Variants in KIF23 observed in about 807,000 individuals in gnomAD.
KIF23 encodes kinesin-like protein KIF23.
A neutral mutation model predicts 137.5 loss-of-function variants in KIF23; 30 were observed. That is an observed-to-expected ratio of 0.22 (90% CI 0.16 to 0.30). The LOEUF is 0.30. Among genes scored for constraint, KIF23 ranks in the 10% least tolerant of loss-of-function variants. The pLI is 1.00. For missense variants in KIF23, 920 were observed against 1,194.3 expected, an observed-to-expected ratio of 0.77 and a Z score of 3.38; for synonymous variants, 367 against 391.1, an observed-to-expected ratio of 0.94 and a Z score of 0.73.
chr15:69,435,389 G>C lies in KIF23; in HGVS notation c.1115-94G>C, dbSNP rs2057452692. On this transcript the variant is annotated intron_variant, in intron 11 of 23. Transcript: ENST00000679126. ...TGTTATTTATAATTTCTATCTAGTA[G>C]TTGTTTGAAGTTGAGATTTTATAGG... The C allele has an allele frequency of 2.2e-6, 2 of 927,288 alleles. 1 individual carries two copies. The highest frequency in any genetic ancestry group is 5.2e-5 in the East Asian group (2 of 38,570). The allele number at this position is 927,288 out of a possible 1,614,324, so 57.4% of individuals were successfully genotyped here.
intron 7 of KIF23, among the ~76,000 whole-genome samples, chr15:69,424,917 A>G (rs1567062229): frequency 1.3e-5 from 2 of 152,192 alleles, no homozygotes; most frequent in South Asian, 4.1e-4. Context: ...TCGTGTGCCA[A>G]CTTTTTGTTT....
At chr15:69,446,803 C>A in intron 22 of KIF23, 68 bp from the exon 23 acceptor site, 2 of 1,420,716 alleles carry the variant, frequency 1.4e-6, no homozygotes, top group Non-Finnish European at 2.0e-6. Context: ...GTGGAGCCTG[C>A]TAAATAACTG....
intron 1 of KIF23, 89 bp downstream of exon 1, chr15:69,414,565 C>G (rs2140299653): frequency 5.4e-5 from 68 of 1,265,838 alleles, no homozygotes; most frequent in Admixed American, 2.4e-4. Context: ...CAGGCCGCGG[C>G]CGTACGCGGG....
Position 69,416,175 on chromosome 15 carries a change from T to G in KIF23, c.81+112T>G, listed in dbSNP as rs960245455. 14 of 627,756 alleles carry G rather than the reference T, an allele frequency of 2.2e-5. No individual in the cohort carries two copies. In the African/African-American group the frequency reaches 2.5e-4, roughly 11 times the overall value. 38.9% of individuals were successfully genotyped at this position (627,756 alleles called of 1,614,324 possible). A position where few individuals can be genotyped will look rare whatever the true frequency, so the allele number is the denominator to read the frequency against. ...AAGAAGAAGACATGTGGAAGTATAA[T>G]CAAAGAACATTTAGTTAAATGGATG... On this transcript the variant is annotated intron_variant, in intron 2 of 23. Coordinates refer to ENST00000679126, the MANE Select transcript of KIF23 (RefSeq NM_001367805.3).
intron 3 of KIF23, 130 bp downstream of exon 3, chr15:69,417,641 C>A: frequency 2.0e-6 from 2 of 980,182 alleles, no homozygotes; most frequent in Non-Finnish European, 3.0e-6. Context: ...TCATTATAAC[C>A]ACTGTATCTA....
intron 11 of KIF23, among the ~76,000 whole-genome samples, chr15:69,431,613 CAAAA>C (rs58235050): frequency 5.1e-5 from 7 of 136,888 alleles, no homozygotes; most frequent in Admixed American, 7.1e-5. Flanking sequence ...GACTCCGTCT[CAAAA>C]AAAAAAAAAA....
At position 69,436,697 on chromosome 15, in the gene KIF23, G is replaced by A. The variant is rs2057490687; in HGVS notation, c.1572G>A (p.Met524Ile). ...AGAAACGACATAACTTACGACAAAT[G>A]ATGATTGATGAGTTTAACAAACAAT... ...ALEKRHNLRQ[M>I]MIDEFNKQSN... The change falls in exon 15 of 24, where the codon ATG becomes ATA. Residue 524 changes from methionine (M) to isoleucine (I), a missense_variant. By Grantham distance (10) the Met-to-Ile change is conservative (BLOSUM62 1). Transcript: ENST00000679126. 1 of 1,590,260 alleles carries A rather than the reference G, an allele frequency of 6.3e-7. No homozygotes were observed. The highest frequency in any genetic ancestry group is 8.6e-7 in the Non-Finnish European group (1 of 1,166,014).
chr15:69,420,968 T>C (rs1486415272), intron 3 of KIF23, among the ~76,000 whole-genome samples: 1 of 152,210 alleles, frequency 6.6e-6, no homozygotes, highest in African/African-American at 2.4e-5. Context: ...AACAGTAAAG[T>C]TGTGTATGAC....
intron 1 of KIF23, among the ~76,000 whole-genome samples, chr15:69,415,424 A>G (rs1218510157): frequency 1.3e-5 from 2 of 152,232 alleles, no homozygotes; most frequent in Non-Finnish European, 2.9e-5. Context: ...GTGAAGGGAA[A>G]AAGATGAGAT....
chr15:69,422,349 T>C lies in KIF23; in HGVS notation c.477T>C (p.Asn159=), dbSNP rs753447189. 1.2e-6 allele frequency: 2 copies of C among 1,603,256 alleles called. No homozygotes were observed. The highest frequency in any genetic ancestry group is 1.7e-6 in the Non-Finnish European group (2 of 1,171,334). Residue 159 remains asparagine, a synonymous_variant, in exon 6 of 24, where the codon AAT becomes AAC. Coordinates refer to ENST00000679126, the MANE Select transcript of KIF23 (RefSeq NM_001367805.3). ...AGGTTTTCAAATCTAATGATAGGAA[T>C]AGTATGGATATACAGTGTGAGGTTG... ...KRYVFKSNDR[N]SMDIQCEVDA... is the part of the protein sequence containing the mutation.
chr15:69,420,410 C>G (rs8027594), intron 3 of KIF23, among the ~76,000 whole-genome samples: 135,628 of 152,230 alleles, frequency 0.89, 61,452 homozygotes, highest in Non-Finnish European at 0.98. Flanking sequence ...GTGAGGTCAT[C>G]TATCTTCTCA....
chr15:69,415,349 C>A (rs1230086401), intron 1 of KIF23, among the ~76,000 whole-genome samples: 1 of 152,174 alleles, frequency 6.6e-6, no homozygotes, highest in East Asian at 1.9e-4. Flanking sequence ...TTTTAAACTA[C>A]AGTCGAAGCC....
intron 10 of KIF23, among the ~76,000 whole-genome samples, chr15:69,428,660 C>CAAAAAAAAAAAAAAAAA (rs59950355): frequency 1.4e-5 from 1 of 74,040 alleles, no homozygotes; most frequent in Non-Finnish European, 2.3e-5. Flanking sequence ...CTCTGTCTCC[C>CAAAAAAAAAAAAAAAAA]AAAAAAAAAA....
chr15:69,429,252 C>A (rs1392457821), intron 11 of KIF23, 39 bp downstream of exon 11: 3 of 1,403,794 alleles, frequency 2.1e-6, no homozygotes, highest in Non-Finnish European at 3.0e-6. Flanking sequence ...CTACAACTTT[C>A]AGAAACTTGC....
At position 69,431,864 on chromosome 15, in the gene KIF23, T is replaced by A. The variant is rs554768610; in HGVS notation, c.1114+2651T>A. Among the ~76,000 whole-genome samples the A allele has an allele frequency of 2.3e-4, 35 of 152,286 alleles. No homozygotes were observed. In the South Asian group the frequency reaches 6.2e-3, roughly 27 times the overall value. ...TGAGTTTATTCATATGCTGAAGAGA[T>A]GATGTTTAAGTCCAGTGGTGAGAAA... On this transcript the variant is annotated intron_variant, in intron 11 of 23. Coordinates refer to ENST00000679126, the MANE Select transcript of KIF23 (RefSeq NM_001367805.3).
chr15:69,422,477 A>G lies in KIF23; in HGVS notation c.563+42A>G, dbSNP rs993076096. ...GTCTGCAGCACTGGCCTAGGGGCACAGGATTCTTTCCTGTGGTTTGCCCAG... is the reference window on the plus strand; with the variant it reads ...GTCTGCAGCACTGGCCTAGGGGCACGGGATTCTTTCCTGTGGTTTGCCCAG... On this transcript the variant is annotated intron_variant, in intron 6 of 23. Coordinates refer to ENST00000679126, the MANE Select transcript of KIF23 (RefSeq NM_001367805.3). 3 of 1,136,838 alleles carry G rather than the reference A, an allele frequency of 2.6e-6. No homozygotes were observed. The African/African-American group carries it at 4.6e-5, about 17-fold the overall frequency. 70.4% of individuals were successfully genotyped at this position (1,136,838 alleles called of 1,614,324 possible). A position where few individuals can be genotyped will look rare whatever the true frequency, so the allele number is the denominator to read the frequency against.
chr15:69,436,519 T>A (rs1567073133), intron 14 of KIF23, 45 bp from the exon 15 acceptor site: 2 of 1,521,582 alleles, frequency 1.3e-6, no homozygotes, highest in African/African-American at 2.8e-5. Flanking sequence ...AATAAGCTCT[T>A]TCTCTCCTAT....
In KIF23 at chr15:69,416,011, G is replaced by T; in HGVS notation, c.29G>T (p.Arg10Leu). MKSARAKTP[R>L]KPTVKKGSQT... ...ATGACCAGGAGAGCTAAGACACCCC[G>T]GAAACCTACCGTGAAAAAAGGGTCC... The change falls in exon 2 of 24, where the codon CGG (arginine) becomes CTG (leucine). Residue 10 changes from arginine to leucine, a missense_variant. Coordinates refer to ENST00000679126, the MANE Select transcript of KIF23 (RefSeq NM_001367805.3). 6.3e-7 allele frequency: 1 copy of T among 1,578,266 alleles called. No individual in the cohort carries two copies.
chr15:69,427,161 T>C (rs984320018), intron 10 of KIF23, among the ~76,000 whole-genome samples: 1 of 151,956 alleles, frequency 6.6e-6, no homozygotes, highest in South Asian at 2.1e-4. Context: ...AATAAAAAAA[T>C]AGAACTTTAA....
Sources: allele counts gnomAD v4.1 joint callset (sites outside exome capture counted in the v4.1 genomes callset), GRCh38; gene constraint gnomAD v4.1.1; transcripts MANE v1.5; gene names NCBI Gene and HGNC (gene_info 2026-07-23, HGNC 2026-07-21).